Variants in DTX2 observed in about 807,000 individuals in gnomAD.
DTX2 encodes the protein deltex E3 ubiquitin ligase 2, also known as probable E3 ubiquitin-protein ligase DTX2.
Under a neutral mutation model 55.3 loss-of-function variants are expected in DTX2, and 29 were observed. The observed-to-expected ratio is 0.52, with a 90% CI of 0.39 to 0.71. The LOEUF is 0.71. Ranked by LOEUF, DTX2 falls within the 30% of genes least tolerant of loss-of-function variation. DTX2 has a pLI of 0.00. For missense variants in DTX2, 537 were observed against 822.5 expected (o/e 0.65, Z 4.25); for synonymous variants, 276 against 340.4 (o/e 0.81, Z 2.08).
At chr7:76,477,097 C>G (rs1808629267) in intron 2 of DTX2, 1 of 147,252 alleles carries the variant, frequency 6.8e-6, no homozygotes, top group Non-Finnish European at 1.5e-5. Flanking sequence ...CTGATTTGTA[C>G]CTCATTGTGG....
At chr7:76,481,539 G>T (rs571554992) in intron 3 of DTX2, among the ~76,000 whole-genome samples, 11 of 152,054 alleles carry the variant, frequency 7.2e-5, no homozygotes, top group African/African-American at 2.2e-4. Context: ...GTTTCCTCTC[G>T]GAGCCATCCC....
rs776671136 is a variant in DTX2 at position 76,482,683 on chromosome 7, G to A, written c.444G>A (p.Leu148=). 9 of 1,613,730 alleles carry A rather than the reference G, an allele frequency of 5.6e-6. No individual in the cohort carries two copies. Among genetic ancestry groups the A allele is most frequent in the Non-Finnish European group, 7.6e-6 (9 of 1,179,744 alleles). ...ACCAGCTCGTGGACTTGGCCCCCCT[G>A]GGGTACAACTACACTGTCAACTACA... ...RGNQLVDLAP[L]GYNYTVNYTT... is the part of the protein sequence containing the mutation. Residue 148 remains leucine (L), a synonymous_variant, in exon 4 of 11, where the codon CTG becomes CTA. Transcript: ENST00000430490.
chr7:76,505,797 G>A lies in DTX2; in HGVS notation c.*196G>A, dbSNP rs1231550466. 3.1e-6 allele frequency: 2 copies of A among 644,190 alleles called. No homozygotes were observed. The allele number at this position is 644,190 out of a possible 1,614,324, so 39.9% of individuals were successfully genotyped here. A position where few individuals can be genotyped will look rare whatever the true frequency, so the allele number is the denominator to read the frequency against. Reference sequence around the variant, plus strand: ...TCTGGGAATTGGGCAGCCCTGGGCAGTTGTACTCATGGGGGCTTAGGATGC... The same window carrying A: ...TCTGGGAATTGGGCAGCCCTGGGCAATTGTACTCATGGGGGCTTAGGATGC... On this transcript the variant is annotated 3_prime_UTR_variant, in exon 11 of 11. Transcript: ENST00000430490. The surrounding 1 kb of genome is among the most constrained non-coding windows in gnomAD (Gnocchi z 4.4).
At chr7:76,498,916 AGTGT>A (rs1811284601) in intron 6 of DTX2, among the ~76,000 whole-genome samples, 1 of 14,042 alleles carries the variant, frequency 7.1e-5, no homozygotes, top group Non-Finnish European at 1.3e-4. Flanking sequence ...GTGTGTGTGG[AGTGT>A]GTGTGGAGGT....
At chr7:76,481,639 A>T (rs1213909128) in intron 3 of DTX2, among the ~76,000 whole-genome samples, 8 of 146,154 alleles carry the variant, frequency 5.5e-5, no homozygotes, top group South Asian at 2.3e-4. Flanking sequence ...GTTACAGCTG[A>T]GTGGGTGGGA....
chr7:76,475,670 A>G (rs934710986), intron 2 of DTX2, among the ~76,000 whole-genome samples: 1 of 150,912 alleles, frequency 6.6e-6, no homozygotes, highest in African/African-American at 2.4e-5. Context: ...CTGGCGACAG[A>G]GCAAGGCTCC....
intron 2 of DTX2, among the ~76,000 whole-genome samples, chr7:76,479,882 G>C (rs1245187994): frequency 2.0e-5 from 3 of 150,806 alleles, no homozygotes; most frequent in Non-Finnish European, 2.9e-5. Context: ...CGGAATTTAT[G>C]CTCTCTTTCT....
Position 76,500,674 on chromosome 7 carries a change from C to T in DTX2, c.1230+154C>T, listed in dbSNP as rs192435820. Among the ~76,000 whole-genome samples, 809 of 151,568 alleles carry T rather than the reference C, an allele frequency of 5.3e-3. 5 individuals are homozygous for T. The highest frequency in any genetic ancestry group is 9.0e-3 in the South Asian group (43 of 4,792). On this transcript the variant is annotated intron_variant, in intron 7 of 10. Transcript: ENST00000430490. ...CCCCTTTGGTTTCATCTCCCAGCCT[C>T]CCGAGACCCACATCGTTATGGTCTG...
Position 76,501,921 on chromosome 7 carries a change from C to G in DTX2, c.1231-377C>G, listed in dbSNP as rs550120252. The G allele has an allele frequency of 4.3e-4, 100 of 231,416 alleles. 1 individual carries two copies. Among genetic ancestry groups the G allele is most frequent in the Admixed American group, 2.2e-3 (41 of 18,496 alleles). The allele number at this position is 231,416 out of a possible 1,614,324, so 14.3% of individuals were successfully genotyped here. The stretch of plus-strand genomic sequence containing the variant: ...TTTTTTTTTCTGAGACGGAGTCTCG[C>G]TCTGTCACCCAGGCTGGAGTGCAGT... On this transcript the variant is annotated intron_variant, in intron 7 of 10. Coordinates refer to ENST00000430490, the MANE Select transcript of DTX2 (RefSeq NM_001102594.3).
intron 6 of DTX2, among the ~76,000 whole-genome samples, chr7:76,497,849 GGCCCAGGTCTGCT>G (rs1368026383): frequency 0.033 from 4,989 of 149,676 alleles, 19 homozygotes; most frequent in African/African-American, 0.11. Flanking sequence ...CCCAGACAGC[GGCCCAGGTCTGCT>G]GCCCAGGTCT....
Position 76,503,601 on chromosome 7 carries a change from T to C in DTX2, c.1551+14T>C. ...CATGGTATCCAGGTGAGGGGCCTTC[T>C]TGAGTCCCCCACTCCTGGCCACTCC... On this transcript the variant is annotated intron_variant, in intron 9 of 10. Coordinates refer to ENST00000430490, the MANE Select transcript of DTX2 (RefSeq NM_001102594.3). 3 of 1,604,558 alleles carry C rather than the reference T, an allele frequency of 1.9e-6. No individual in the cohort carries two copies. Among genetic ancestry groups the C allele is most frequent in the Non-Finnish European group, 2.6e-6 (3 of 1,174,006 alleles).
rs1284713013 is a variant in DTX2 at position 76,474,045 on chromosome 7, C to T, written c.-89-6376C>T. Among the ~76,000 whole-genome samples the T allele has an allele frequency of 6.7e-5, 10 of 148,348 alleles. No homozygotes were observed. The East Asian group carries it at 2.0e-3, about 30-fold the overall frequency. ...CAAGCGATTCTCCTGCCTCAGCCTCCCTAGTAGGTGAGATTACAGGCATGT... is the reference window on the plus strand; with the variant it reads ...CAAGCGATTCTCCTGCCTCAGCCTCTCTAGTAGGTGAGATTACAGGCATGT... On this transcript the variant is annotated intron_variant, in intron 2 of 10. Transcript: ENST00000430490.
chr7:76,486,766 G>A (rs1196393948), intron 4 of DTX2, among the ~76,000 whole-genome samples: 2 of 142,050 alleles, frequency 1.4e-5, no homozygotes, highest in Admixed American at 1.4e-4. Context: ...GGTGAAGCCT[G>A]TGGGCGTTTT....
intron 2 of DTX2, chr7:76,472,096 A>C (rs1807989131): frequency 6.6e-6 from 1 of 151,100 alleles, no homozygotes; most frequent in Non-Finnish European, 1.5e-5. Flanking sequence ...CCGTGCTCAC[A>C]GGACTACTGT....
In DTX2 at chr7:76,480,570, G is replaced by A. The variant is rs773085420; in HGVS notation, c.61G>A (p.Val21Met). 1.6e-5 allele frequency: 25 copies of A among 1,612,640 alleles called. No individual in the cohort carries two copies. Among genetic ancestry groups the A allele is most frequent in the South Asian group, 3.3e-5 (3 of 91,018 alleles). Residue 21 changes from valine to methionine, a missense_variant, in exon 3 of 11, where the codon GTG becomes ATG. Coordinates refer to ENST00000430490, the MANE Select transcript of DTX2 (RefSeq NM_001102594.3). Reference protein sequence around the residue: ...QVYTSPAAVAVWEWQDGLGTW... With the variant: ...QVYTSPAAVAMWEWQDGLGTW... ...GTACACCAGCCCCGCGGCTGTGGCC[G>A]TGTGGGAATGGCAGGACGGGCTGGG...
intron 2 of DTX2, among the ~76,000 whole-genome samples, chr7:76,469,542 G>A (rs1194899879): frequency 3.3e-5 from 5 of 150,382 alleles, no homozygotes; most frequent in South Asian, 2.1e-4. Flanking sequence ...ACAGGCGCTC[G>A]CCACCACACT....
intron 2 of DTX2, among the ~76,000 whole-genome samples, chr7:76,468,738 C>T (rs1455098284): frequency 1.6e-5 from 1 of 62,096 alleles, no homozygotes; most frequent in Non-Finnish European, 2.8e-5. Flanking sequence ...GGATTATAGG[C>T]GTGAGCCACC....
At chr7:76,473,211 C>T (rs1234130916) in intron 2 of DTX2, among the ~76,000 whole-genome samples, 1 of 151,976 alleles carries the variant, frequency 6.6e-6, no homozygotes, top group Non-Finnish European at 1.5e-5. Flanking sequence ...CAGGATTTGA[C>T]TCTCCCAGGT....
intron 4 of DTX2, among the ~76,000 whole-genome samples, chr7:76,488,895 G>GA (rs1194872076): frequency 1.4e-3 from 74 of 51,674 alleles, no homozygotes; most frequent in East Asian, 2.9e-3. Flanking sequence ...GAGACTCCGA[G>GA]AAAAAAAAAA....
Sources: allele counts gnomAD v4.1 joint callset (sites outside exome capture counted in the v4.1 genomes callset), GRCh38; gene constraint gnomAD v4.1.1; non-coding constraint Gnocchi (gnomAD v3.1); transcripts MANE v1.5; gene names NCBI Gene and HGNC (gene_info 2026-07-23, HGNC 2026-07-21).